The following ELMO1 variants were observed in gnomAD, a reference collection of about 807,000 sequenced individuals.
The protein encoded by ELMO1 is engulfment and cell motility protein 1.
Under a neutral mutation model 98.9 loss-of-function variants are expected in ELMO1, and 26 were observed. That is an observed-to-expected ratio of 0.26 (90% CI 0.19 to 0.36). The LOEUF (loss-of-function observed/expected upper bound fraction) is 0.36. Ranked by LOEUF, ELMO1 falls within the 10% of genes least tolerant of loss-of-function variation. ELMO1 has a pLI of 1.00. For missense variants in ELMO1, 627 were observed against 935.2 expected (o/e 0.67, Z 4.30); for synonymous variants, 346 against 346.0 (o/e 1.00, Z 0.00).
intron 1 of ELMO1, among the ~76,000 whole-genome samples, chr7:37,439,956 G>A (rs770235058): frequency 6.6e-6 from 1 of 152,034 alleles, no homozygotes; most frequent in Non-Finnish European, 1.5e-5. Flanking sequence ...GCTTCTAAAG[G>A]CCTTTCATTA....
chr7:36,901,420 A>G (rs1340067038), intron 16 of ELMO1, among the ~76,000 whole-genome samples: 1 of 152,218 alleles, frequency 6.6e-6, no homozygotes, highest in Non-Finnish European at 1.5e-5. Flanking sequence ...TGAGCCATAC[A>G]GTGTCTGCTG....
chr7:37,146,065 TG>T (rs1787966632), intron 13 of ELMO1, among the ~76,000 whole-genome samples: 9 of 152,166 alleles, frequency 5.9e-5, no homozygotes, highest in Admixed American at 5.9e-4. Context: ...AAAATCCTGG[TG>T]TCCAGGTTCT....
chr7:36,856,331 T>C (rs1802193420), intron 21 of ELMO1, among the ~76,000 whole-genome samples: 1 of 152,188 alleles, frequency 6.6e-6, no homozygotes. Flanking sequence ...GGCTAGGAAA[T>C]AGGCTTATGC....
At chr7:36,915,220 T>C (rs1784607485) in intron 16 of ELMO1, among the ~76,000 whole-genome samples, 1 of 152,242 alleles carries the variant, frequency 6.6e-6, no homozygotes, top group Admixed American at 6.5e-5. Context: ...CTCAAGTCAC[T>C]GTGCCTGGTG....
chr7:36,956,896 A>G (rs933897551), intron 16 of ELMO1, among the ~76,000 whole-genome samples: 1 of 152,246 alleles, frequency 6.6e-6, no homozygotes, highest in Admixed American at 6.5e-5. Flanking sequence ...CCCTTTCCCA[A>G]TAACTACTCT....
chr7:37,342,556 A>T lies in ELMO1; in HGVS notation c.78+57T>A, dbSNP rs1431882517. 5.8e-6 allele frequency: 9 copies of T among 1,546,938 alleles called. No homozygotes were observed. Among genetic ancestry groups the T allele is most frequent in the Non-Finnish European group, 7.1e-6 (8 of 1,119,112 alleles). ...GAGTGAGCTATCCAAAGTCTATGAAAATTCCAGTATAGAAAGGAAACTGAA... is the reference window on the plus strand; with the variant it reads ...GAGTGAGCTATCCAAAGTCTATGAATATTCCAGTATAGAAAGGAAACTGAA... On this transcript the variant is annotated intron_variant, in intron 2 of 21. Coordinates refer to ENST00000310758, the MANE Select transcript of ELMO1 (RefSeq NM_014800.11). The surrounding 1 kb of genome is among the most constrained non-coding windows in gnomAD (Gnocchi z 4.3).
chr7:36,951,190 T>G (rs1787935212), intron 16 of ELMO1, among the ~76,000 whole-genome samples: 1 of 152,200 alleles, frequency 6.6e-6, no homozygotes, highest in African/African-American at 2.4e-5. Flanking sequence ...CAATCTATTC[T>G]GGACTCAGCA....
chr7:37,129,967 G>T (rs1437691065), intron 14 of ELMO1, among the ~76,000 whole-genome samples: 1 of 152,076 alleles, frequency 6.6e-6, no homozygotes, highest in Non-Finnish European at 1.5e-5. Flanking sequence ...AGGCACCATT[G>T]TACCTTTGCT....
Position 36,870,303 on chromosome 7 carries a change from C to G in ELMO1, c.1905+90G>C, listed in dbSNP as rs745739915. 8 of 1,131,812 alleles carry G rather than the reference C, an allele frequency of 7.1e-6. No homozygotes were observed. The East Asian group carries it at 1.9e-4, about 27-fold the overall frequency. 70.1% of individuals were successfully genotyped at this position (1,131,812 alleles called of 1,614,324 possible). ...GTGTGTCTGAACACACGCACACACA[C>G]GAACACTGCTATAAAGGAGGGCTAG... On this transcript the variant is annotated intron_variant, in intron 20 of 21. Transcript: ENST00000310758. The surrounding 1 kb of genome is among the most constrained non-coding windows in gnomAD (Gnocchi z 4.4).
intron 20 of ELMO1, among the ~76,000 whole-genome samples, chr7:36,865,488 T>C (rs1025170436): frequency 3.9e-5 from 6 of 152,212 alleles, no homozygotes; most frequent in Non-Finnish European, 7.3e-5. Flanking sequence ...AACCGGCCAA[T>C]AGTTCTCCAA....
chr7:37,022,025 T>C (rs1336032723), intron 15 of ELMO1, among the ~76,000 whole-genome samples: 1 of 152,150 alleles, frequency 6.6e-6, no homozygotes, highest in Non-Finnish European at 1.5e-5. Context: ...GAATTTCAAT[T>C]GGTTGAATTG....
chr7:37,054,607 T>C (rs1796294685), intron 15 of ELMO1, among the ~76,000 whole-genome samples: 2 of 152,242 alleles, frequency 1.3e-5, no homozygotes, highest in Non-Finnish European at 1.5e-5. Flanking sequence ...AAAATTTTTA[T>C]CATTTTGTAT....
intron 13 of ELMO1, among the ~76,000 whole-genome samples, chr7:37,157,918 C>T (rs973323395): frequency 2.6e-5 from 4 of 152,130 alleles, no homozygotes; most frequent in Non-Finnish European, 5.9e-5. Flanking sequence ...TATAAGGCTA[C>T]AGTAACCAAA....
intron 1 of ELMO1, among the ~76,000 whole-genome samples, chr7:37,443,166 T>C (rs147424362): frequency 3.5e-4 from 54 of 152,322 alleles, no homozygotes; most frequent in Middle Eastern, 3.4e-3. Flanking sequence ...CTGATTTTCA[T>C]TCCCTCAAAC....
In ELMO1 at chr7:37,225,037, AT is replaced by A. The variant is rs772097436; in HGVS notation, c.550-8del. On this transcript the variant is annotated splice_polypyrimidine_tract_variant and splice_region_variant and intron_variant, in intron 8 of 21. Transcript: ENST00000310758. ...TGTTCACAAAACTTGCTATCTGAAA[AT>A]CCAAGTGGGACACAATTGACTGCTC... The A allele has an allele frequency of 3.7e-6, 6 of 1,614,028 alleles. No individual in the cohort carries two copies. In the East Asian group the frequency reaches 1.1e-4, roughly 30 times the overall value.
intron 1 of ELMO1, among the ~76,000 whole-genome samples, chr7:37,364,394 T>G (rs567915262): frequency 2.1e-4 from 32 of 152,340 alleles, no homozygotes; most frequent in African/African-American, 7.7e-4. Flanking sequence ...TTGAAACATA[T>G]TTATTCTTAA....
chr7:37,035,743 A>G (rs974388276), intron 15 of ELMO1, among the ~76,000 whole-genome samples: 8 of 152,256 alleles, frequency 5.3e-5, no homozygotes, highest in African/African-American at 1.9e-4. Flanking sequence ...GATGAGAAAT[A>G]AAAGAGAACT....
chr7:37,217,267 G>A (rs1363444029), intron 10 of ELMO1, among the ~76,000 whole-genome samples: 1 of 152,206 alleles, frequency 6.6e-6, no homozygotes, highest in Non-Finnish European at 1.5e-5. Flanking sequence ...ATTTCTGCAG[G>A]TTGTTTTGTG....
chr7:36,859,233 A>G (rs1483507233), intron 21 of ELMO1, among the ~76,000 whole-genome samples: 1 of 152,244 alleles, frequency 6.6e-6, no homozygotes, highest in Non-Finnish European at 1.5e-5. Flanking sequence ...TGAGACAATT[A>G]GAGACATCTG....
Sources: gnomAD v4.1 joint callset for allele counts (sites outside exome capture counted in the v4.1 genomes callset) on GRCh38, gnomAD v4.1.1 for gene constraint, Gnocchi (gnomAD v3.1) non-coding constraint, MANE v1.5 for transcripts, NCBI Gene and HGNC (gene_info 2026-07-23, HGNC 2026-07-21) for gene names.